The following ASTN1 variants were observed in gnomAD, a reference collection of about 807,000 sequenced individuals.
ASTN1 encodes the protein astrotactin-1.
ASTN1 carries 41 observed loss-of-function variants against 140.7 expected under a neutral mutation model. That is an observed-to-expected ratio of 0.29 (90% CI 0.23 to 0.38). The LOEUF (loss-of-function observed/expected upper bound fraction) is 0.38. ASTN1 is among the 10% of genes least tolerant of loss of function. The probability of loss-of-function intolerance (pLI) is 1.00; values close to 1 mark genes in which losing one functional copy is unlikely to be tolerated. For missense variants in ASTN1, 1,479 were observed against 1,678.8 expected (o/e 0.88, Z 2.08); for synonymous variants, 640 against 652.2 (o/e 0.98, Z 0.29).
chr1:177,030,411 A>G (rs906580070), intron 4 of ASTN1, among the ~76,000 whole-genome samples: 9 of 152,208 alleles, frequency 5.9e-5, no homozygotes, highest in Non-Finnish European at 1.0e-4. Flanking sequence ...ATTAACAAAT[A>G]TAGATCTATA....
intron 3 of ASTN1, among the ~76,000 whole-genome samples, chr1:177,031,741 G>A (rs1676455810): frequency 6.6e-6 from 1 of 152,174 alleles, no homozygotes; most frequent in Non-Finnish European, 1.5e-5. Context: ...TCACTGTCAA[G>A]GGTTTATCTA....
chr1:176,920,022 T>G (rs1438602846), intron 16 of ASTN1, among the ~76,000 whole-genome samples: 1 of 152,210 alleles, frequency 6.6e-6, no homozygotes, highest in Non-Finnish European at 1.5e-5. Flanking sequence ...TTTCTTTTTC[T>G]TTCTTTCTTT....
At chr1:176,997,118 T>G (rs548177868) in intron 8 of ASTN1, among the ~76,000 whole-genome samples, 10 of 152,292 alleles carry the variant, frequency 6.6e-5, no homozygotes, top group African/African-American at 2.2e-4. Flanking sequence ...TCTTGATTCT[T>G]ACAGAAATAA....
At chr1:177,032,291 C>G (rs1676480724) in intron 3 of ASTN1, among the ~76,000 whole-genome samples, 165 bp downstream of exon 3, 1 of 152,118 alleles carries the variant, frequency 6.6e-6, no homozygotes. Flanking sequence ...TAGAAAACAG[C>G]TCCCATCATC....
At chr1:176,934,730 C>T (rs767620312) in intron 15 of ASTN1, among the ~76,000 whole-genome samples, 6 of 151,648 alleles carry the variant, frequency 4.0e-5, no homozygotes, top group Non-Finnish European at 8.8e-5. Context: ...ACACAAATAC[C>T]AGCCGAGAAC....
chr1:176,959,239 T>G (rs939776215), intron 9 of ASTN1, among the ~76,000 whole-genome samples: 2 of 152,226 alleles, frequency 1.3e-5, no homozygotes, highest in Admixed American at 6.5e-5. Flanking sequence ...TCAAATGCTC[T>G]GTGTTCATAG....
chr1:176,996,310 CAGAG>C (rs139189448), intron 8 of ASTN1, among the ~76,000 whole-genome samples: 3 of 126,486 alleles, frequency 2.4e-5, no homozygotes, highest in Non-Finnish European at 3.7e-5. Flanking sequence ...CACACACACA[CAGAG>C]AGAGAGAGAG....
intron 2 of ASTN1, among the ~76,000 whole-genome samples, chr1:177,047,345 G>A (rs1677288408): frequency 6.6e-6 from 1 of 152,056 alleles, no homozygotes; most frequent in Admixed American, 6.5e-5. Flanking sequence ...AATAGCAAGG[G>A]AGGTCCACAA....
intron 11 of ASTN1, among the ~76,000 whole-genome samples, chr1:176,956,477 C>G (rs907457139): frequency 1.2e-4 from 19 of 152,142 alleles, no homozygotes; most frequent in Non-Finnish European, 2.5e-4. Flanking sequence ...GCAGCATCCT[C>G]ACAGCTTGTC....
chr1:176,909,129 G>A (rs10913275), intron 16 of ASTN1, among the ~76,000 whole-genome samples: 23,811 of 152,246 alleles, frequency 0.16, 2,488 homozygotes, highest in Middle Eastern at 0.26. Flanking sequence ...TGACAGCATC[G>A]AGTTGGGTGC....
intron 1 of ASTN1, among the ~76,000 whole-genome samples, chr1:177,135,576 C>A (rs1441083281): frequency 6.6e-6 from 1 of 152,004 alleles, no homozygotes; most frequent in Non-Finnish European, 1.5e-5. Context: ...AGTGGCTTGC[C>A]AAAAATTGTG....
downstream of ASTN1, chr1:176,857,649 G>T: frequency 1.6e-6 from 1 of 616,912 alleles, no homozygotes; most frequent in Middle Eastern, 4.0e-4. Context: ...CACGCTGGAA[G>T]CCTGTTGACA....
chr1:177,091,163 A>G (rs1015015964), intron 1 of ASTN1, among the ~76,000 whole-genome samples: 2 of 152,218 alleles, frequency 1.3e-5, no homozygotes, highest in Non-Finnish European at 2.9e-5. Context: ...CACAGCAACC[A>G]GAACTGACCT....
rs183621062 is a variant in ASTN1 at position 177,058,133 on chromosome 1, G to T, written c.471+2945C>A. 2.9e-3 allele frequency among the ~76,000 whole-genome samples: 441 copies of T among 152,324 alleles called. 7 individuals carry two copies. The highest frequency in any genetic ancestry group is 9.3e-3 in the African/African-American group (385 of 41,580). ...AATGGGAATTGAGGACAATGAGACGGCTAGGTGGGCTGCAGTAGGCTCCAC... is the reference window on the plus strand; with the variant it reads ...AATGGGAATTGAGGACAATGAGACGTCTAGGTGGGCTGCAGTAGGCTCCAC... On this transcript the variant is annotated intron_variant, in intron 2 of 22. Transcript: ENST00000361833.
chr1:176,938,135 C>T (rs1671527118), intron 14 of ASTN1, among the ~76,000 whole-genome samples: 3 of 152,142 alleles, frequency 2.0e-5, no homozygotes, highest in Admixed American at 2.0e-4. Context: ...TCTTTCAGGG[C>T]ATTAATCTTT....
intron 8 of ASTN1, among the ~76,000 whole-genome samples, chr1:176,982,466 A>G (rs891190968): frequency 9.2e-5 from 14 of 152,158 alleles, no homozygotes; most frequent in Non-Finnish European, 2.1e-4. Context: ...GCCCCACCTC[A>G]AGAATGTCTG....
At chr1:177,158,644 A>G (rs1210604146) in intron 1 of ASTN1, among the ~76,000 whole-genome samples, 1 of 146,580 alleles carries the variant, frequency 6.8e-6, no homozygotes, top group Non-Finnish European at 1.5e-5. Context: ...AAGAAAAGAA[A>G]GAAAAAAGTA....
downstream of ASTN1, among the ~76,000 whole-genome samples, chr1:176,860,664 T>C (rs1667932916): frequency 6.6e-6 from 1 of 152,224 alleles, no homozygotes; most frequent in South Asian, 2.1e-4. Flanking sequence ...GCAGTTCTCA[T>C]AGCATCCTGT....
chr1:176,925,931 G>A (rs1019562152), intron 16 of ASTN1, among the ~76,000 whole-genome samples: 3 of 151,400 alleles, frequency 2.0e-5, no homozygotes, highest in Non-Finnish European at 4.4e-5. Flanking sequence ...TCAGCCTCCC[G>A]AGTAGCTGGG....
Sources: allele counts gnomAD v4.1 joint callset (sites outside exome capture counted in the v4.1 genomes callset), GRCh38; gene constraint gnomAD v4.1.1; transcripts MANE v1.5; gene names NCBI Gene and HGNC (gene_info 2026-07-23, HGNC 2026-07-21).